The following NELL2 variants were observed in gnomAD, a reference collection of about 807,000 sequenced individuals.
NELL2 encodes the protein protein kinase C-binding protein NELL2.
In NELL2, 41 loss-of-function variants were observed where a neutral mutation model predicts 109.6. The ratio of observed to expected loss-of-function variants is 0.37; its 90% confidence interval spans 0.29 to 0.49. The LOEUF (loss-of-function observed/expected upper bound fraction) is 0.49. Among genes scored for constraint, NELL2 ranks in the 20% least tolerant of loss-of-function variants. The probability of loss-of-function intolerance (pLI) is 0.98; values close to 1 mark genes in which losing one functional copy is unlikely to be tolerated. For missense variants in NELL2, 900 were observed against 1,008.3 expected, an observed-to-expected ratio of 0.89 and a Z score of 1.45; for synonymous variants, 355 against 344.7, an observed-to-expected ratio of 1.03 and a Z score of -0.33.
intron 13 of NELL2, among the ~76,000 whole-genome samples, chr12:44,661,960 CTCTG>C (rs1390904003): frequency 5.3e-5 from 8 of 152,156 alleles, no homozygotes; most frequent in Non-Finnish European, 8.8e-5. Context: ...TCCTCTCTCT[CTCTG>C]TCTTTCTTCC....
intron 9 of NELL2, among the ~76,000 whole-genome samples, chr12:44,755,063 A>ACCT (rs1940823768): frequency 6.6e-6 from 1 of 151,724 alleles, no homozygotes; most frequent in South Asian, 2.1e-4. Context: ...CATCCCACCA[A>ACCT]CCTCCTCCTC....
chr12:44,733,004 C>A (rs1024359459), intron 9 of NELL2, among the ~76,000 whole-genome samples: 1 of 151,890 alleles, frequency 6.6e-6, no homozygotes, highest in African/African-American at 2.4e-5. Context: ...TGCAACATCA[C>A]CTCACATCTG....
At chr12:44,813,797 A>G (rs1310476551) in intron 3 of NELL2, among the ~76,000 whole-genome samples, 1 of 152,160 alleles carries the variant, frequency 6.6e-6, no homozygotes, top group Non-Finnish European at 1.5e-5. Flanking sequence ...AATCTAAAAC[A>G]ATAAATATTA....
chr12:44,711,906 T>C (rs1275908611), intron 10 of NELL2, among the ~76,000 whole-genome samples: 5 of 152,086 alleles, frequency 3.3e-5, no homozygotes, highest in Admixed American at 3.3e-4. Context: ...TCTTGTCTCT[T>C]GTAAATTAAT....
intron 13 of NELL2, among the ~76,000 whole-genome samples, chr12:44,615,225 CAT>C (rs773956855): frequency 6.6e-6 from 1 of 152,020 alleles, no homozygotes; most frequent in Non-Finnish European, 1.5e-5. Context: ...AAGAATTTGA[CAT>C]GGATTTTTTT....
chr12:44,783,306 C>A (rs958545878), intron 3 of NELL2, among the ~76,000 whole-genome samples: 1 of 150,980 alleles, frequency 6.6e-6, no homozygotes, highest in Non-Finnish European at 1.5e-5. Context: ...AATCAATAAG[C>A]TCCCACCTCA....
intron 3 of NELL2, among the ~76,000 whole-genome samples, chr12:44,788,561 C>T (rs749918928): frequency 6.6e-6 from 1 of 152,194 alleles, no homozygotes; most frequent in Non-Finnish European, 1.5e-5. Flanking sequence ...CACAGGGATC[C>T]TTTGGGAGGG....
chr12:44,913,753 G>T, intron 1 of NELL2: 1 of 707,306 alleles, frequency 1.4e-6, no homozygotes, highest in South Asian at 1.8e-5. Flanking sequence ...TTTTTAAAAT[G>T]GTGTTCAGAG....
chr12:44,729,023 C>T lies in NELL2; in HGVS notation c.995-14282G>A, dbSNP rs184592361. Among the ~76,000 whole-genome samples, 83 of 151,956 alleles carry T rather than the reference C, an allele frequency of 5.5e-4. 1 individual carries two copies. Among genetic ancestry groups the T allele is most frequent in the African/African-American group, 1.7e-3 (72 of 41,440 alleles). ...ATGAAAAAAATACCAGACAGCAACA[C>T]GAAAGTATATAAAAGTACTTTTTAA... On this transcript the variant is annotated intron_variant, in intron 9 of 19. Transcript: ENST00000429094.
chr12:44,838,035 A>G (rs1171497770), intron 2 of NELL2, among the ~76,000 whole-genome samples: 1 of 152,172 alleles, frequency 6.6e-6, no homozygotes, highest in East Asian at 1.9e-4. Flanking sequence ...AATGTTGCCA[A>G]AGCACTTCAT....
intron 2 of NELL2, among the ~76,000 whole-genome samples, chr12:44,844,823 C>T (rs574480742): frequency 6.6e-6 from 1 of 152,256 alleles, no homozygotes; most frequent in African/African-American, 2.4e-5. Flanking sequence ...AAACCTCCAT[C>T]TTTCTTTTTT....
At chr12:44,902,492 G>A (rs542755407) in intron 1 of NELL2, among the ~76,000 whole-genome samples, 3 of 152,270 alleles carry the variant, frequency 2.0e-5, no homozygotes, top group Admixed American at 6.5e-5. Flanking sequence ...GTAATGTATA[G>A]ATTCAATGCT....
intron 13 of NELL2, among the ~76,000 whole-genome samples, chr12:44,640,102 T>G (rs1946795872): frequency 2.0e-5 from 3 of 152,200 alleles, no homozygotes; most frequent in African/African-American, 4.8e-5. Context: ...GTTTTCATAG[T>G]TTACCACTAA....
chr12:44,909,959 T>C (rs1014410889), intron 1 of NELL2, among the ~76,000 whole-genome samples: 1 of 151,800 alleles, frequency 6.6e-6, no homozygotes, highest in African/African-American at 2.4e-5. Context: ...CCTTATCTTT[T>C]ACCACATACA....
At position 44,891,720 on chromosome 12, in the gene NELL2, C is replaced by T. The variant is rs565060350; in HGVS notation, c.39-15820G>A. Among the ~76,000 whole-genome samples the T allele has an allele frequency of 1.8e-4, 27 of 152,226 alleles. No homozygotes were observed. In the South Asian group the frequency reaches 5.4e-3, roughly 30 times the overall value. ...TCTACTGTAAGAACAGAGCTTGAGT[C>T]TACCTTAGTCATATGATTAAGGGCC... On this transcript the variant is annotated intron_variant, in intron 1 of 20. Transcript: ENST00000333837.
intron 2 of NELL2, among the ~76,000 whole-genome samples, chr12:44,840,261 G>A (rs1238853537): frequency 1.3e-5 from 2 of 152,136 alleles, no homozygotes; most frequent in Non-Finnish European, 2.9e-5. Flanking sequence ...TCAGTATATT[G>A]AGAGCTGTCT....
At chr12:44,893,244 T>G (rs1225425057) in intron 1 of NELL2, among the ~76,000 whole-genome samples, 3 of 152,166 alleles carry the variant, frequency 2.0e-5, no homozygotes, top group Non-Finnish European at 4.4e-5. Context: ...AATCTCTGAC[T>G]CCAACACCCA....
At chr12:44,578,432 G>GA (rs1565957695) in intron 15 of NELL2, among the ~76,000 whole-genome samples, 16 of 22,326 alleles carry the variant, frequency 7.2e-4, no homozygotes, top group Middle Eastern at 0.056. Context: ...GATCAAGATA[G>GA]GAAAAAAAAA....
intron 15 of NELL2, among the ~76,000 whole-genome samples, chr12:44,551,607 C>T (rs1182273809): frequency 6.6e-6 from 1 of 152,122 alleles, no homozygotes. Flanking sequence ...AGTGCCTACC[C>T]TCAGTTCACA....
Sources: gnomAD v4.1 joint callset for allele counts (sites outside exome capture counted in the v4.1 genomes callset) on GRCh38, gnomAD v4.1.1 for gene constraint, MANE v1.5 for transcripts, NCBI Gene and HGNC (gene_info 2026-07-23, HGNC 2026-07-21) for gene names.